Variants in DNAAF11 observed in about 807,000 individuals in gnomAD.
The protein encoded by DNAAF11 is leucine rich repeat containing 6.
Under a neutral mutation model 60.8 loss-of-function variants are expected in DNAAF11, and 45 were observed. That is an observed-to-expected ratio of 0.74 (90% CI 0.58 to 0.95). DNAAF11 has a LOEUF of 0.95. DNAAF11 is among the 40% of genes least tolerant of loss of function. The pLI is 0.00. For missense variants in DNAAF11, 546 were observed against 546.2 expected (o/e 1.00, Z 0.00); for synonymous variants, 191 against 183.5 (o/e 1.04, Z -0.33).
intron 9 of DNAAF11, among the ~76,000 whole-genome samples, 179 bp from the exon 10 acceptor site, chr8:132,610,440 TA>T (rs1818551423): frequency 6.6e-6 from 1 of 152,192 alleles, no homozygotes; most frequent in African/African-American, 2.4e-5. Context: ...TTACCTATTT[TA>T]ACAAGTAGTC....
At chr8:132,676,136 A>T (rs1825751004), upstream of DNAAF11, among the ~76,000 whole-genome samples, 1 of 152,184 alleles carries the variant, frequency 6.6e-6, no homozygotes, top group African/African-American at 2.4e-5. Flanking sequence ...GTTTCCGGCT[A>T]ACAAGCTTTC....
chr8:132,661,400 T>G lies in DNAAF11; in HGVS notation c.178+60A>C, dbSNP rs1274006930. 3.6e-6 allele frequency: 5 copies of G among 1,392,932 alleles called. No homozygotes were observed. In the East Asian group the frequency reaches 1.1e-4, roughly 32 times the overall value. The allele number at this position is 1,392,932 out of a possible 1,614,324, so 86.3% of individuals were successfully genotyped here. ...GTCTTCTAAAAATAACACAGCACTT[T>G]CCAAAGTTCTCTCATTCACAATGTT... On this transcript the variant is annotated intron_variant, in intron 2 of 11. Transcript: ENST00000620350.
chr8:132,604,346 G>A (rs1817931099), intron 10 of DNAAF11, among the ~76,000 whole-genome samples: 1 of 152,124 alleles, frequency 6.6e-6, no homozygotes, highest in Non-Finnish European at 1.5e-5. Context: ...ACCTTAATAT[G>A]TGATCTTCAC....
intron 10 of DNAAF11, among the ~76,000 whole-genome samples, chr8:132,591,603 G>A (rs1816472701): frequency 6.6e-6 from 1 of 151,608 alleles, no homozygotes; most frequent in South Asian, 2.1e-4. Context: ...AGTCTTTTGT[G>A]GTTTATTTTT....
At chr8:132,603,565 T>C (rs1259031087) in intron 10 of DNAAF11, among the ~76,000 whole-genome samples, 3 of 151,462 alleles carry the variant, frequency 2.0e-5, no homozygotes, top group Admixed American at 6.6e-5. Flanking sequence ...CTGGAGGTTA[T>C]TGGAGACATC....
intron 3 of DNAAF11, among the ~76,000 whole-genome samples, chr8:132,643,037 C>T (rs140066916): frequency 6.6e-6 from 1 of 152,312 alleles, no homozygotes; most frequent in Non-Finnish European, 1.5e-5. Flanking sequence ...CTACATCCCT[C>T]GCAAGATCAG....
intron 3 of DNAAF11, among the ~76,000 whole-genome samples, chr8:132,646,582 C>T (rs1276549522): frequency 1.3e-5 from 2 of 152,154 alleles, no homozygotes; most frequent in African/African-American, 4.8e-5. Context: ...GTGCTGTATT[C>T]AGGAGACCCA....
In DNAAF11 at chr8:132,572,181, A is replaced by C. The variant is rs1814257046; in HGVS notation, c.*125T>G. The C allele has an allele frequency of 1.3e-6, 1 of 745,080 alleles. No homozygotes were observed. The highest frequency in any genetic ancestry group is 2.2e-6 in the Non-Finnish European group (1 of 459,856). 46.2% of individuals were successfully genotyped at this position (745,080 alleles called of 1,614,324 possible). On this transcript the variant is annotated 3_prime_UTR_variant, in exon 12 of 12. Coordinates refer to ENST00000620350, the MANE Select transcript of DNAAF11 (RefSeq NM_012472.6). Reference sequence around the variant, plus strand: ...TATTACTATGCAAAGTAAGAGTTAAAACACTGGAGCAGCGATATTGACAAA... The same window carrying C: ...TATTACTATGCAAAGTAAGAGTTAACACACTGGAGCAGCGATATTGACAAA...
At chr8:132,590,241 C>A (rs1015004786) in intron 10 of DNAAF11, among the ~76,000 whole-genome samples, 4 of 152,192 alleles carry the variant, frequency 2.6e-5, no homozygotes, top group African/African-American at 9.7e-5. Context: ...ACCGTACGTG[C>A]TTTCACAACC....
chr8:132,657,691 G>C (rs999522377), intron 2 of DNAAF11, among the ~76,000 whole-genome samples: 6 of 152,140 alleles, frequency 3.9e-5, no homozygotes. Flanking sequence ...TGGGGCCTTT[G>C]AAAAATAGTT....
At chr8:132,646,709 A>C (rs1207826769) in intron 3 of DNAAF11, among the ~76,000 whole-genome samples, 2 of 152,242 alleles carry the variant, frequency 1.3e-5, no homozygotes, top group Non-Finnish European at 2.9e-5. Flanking sequence ...CTCTGATAAA[A>C]CAGACTTTAA....
At chr8:132,687,542 T>G in the DNAAF11 span, 1 of 452,774 alleles carries the variant, frequency 2.2e-6, no homozygotes, top group East Asian at 7.0e-5. Context: ...CTGTAACAGG[T>G]TCCGTCATCA....
the DNAAF11 span, among the ~76,000 whole-genome samples, chr8:132,698,249 G>T: frequency 2.2e-3 from 339 of 152,296 alleles, 2 homozygotes; most frequent in African/African-American, 7.8e-3. Context: ...ACCATGGAAA[G>T]CTCTTATCCT....
intron 10 of DNAAF11, among the ~76,000 whole-genome samples, chr8:132,586,230 G>C (rs1448892049): frequency 6.6e-6 from 1 of 152,150 alleles, no homozygotes; most frequent in East Asian, 1.9e-4. Context: ...ATGTGCAGCA[G>C]TGCTGTCCAG....
intron 10 of DNAAF11, among the ~76,000 whole-genome samples, chr8:132,585,367 T>C (rs904559688): frequency 2.6e-5 from 4 of 152,200 alleles, no homozygotes; most frequent in African/African-American, 9.7e-5. Flanking sequence ...CTGGAGACCA[T>C]GAACATAAGA....
upstream of DNAAF11, among the ~76,000 whole-genome samples, chr8:132,677,036 C>T (rs1825785262): frequency 2.0e-5 from 3 of 152,186 alleles, no homozygotes; most frequent in Admixed American, 2.0e-4. Context: ...AGACAGATGA[C>T]TTCACCTTTG....
chr8:132,681,859 T>A, the DNAAF11 span, among the ~76,000 whole-genome samples: 1 of 152,338 alleles, frequency 6.6e-6, no homozygotes, highest in South Asian at 2.1e-4. Context: ...TAGGATATCC[T>A]ACTCCACCGT....
upstream of DNAAF11, among the ~76,000 whole-genome samples, chr8:132,675,982 A>C (rs1173646887): frequency 1.3e-5 from 2 of 152,180 alleles, no homozygotes; most frequent in Non-Finnish European, 2.9e-5. Context: ...CATCTGTAAG[A>C]TGAGAAATAA....
chr8:132,579,323 T>C (rs1272028266), intron 11 of DNAAF11, among the ~76,000 whole-genome samples: 1 of 152,064 alleles, frequency 6.6e-6, no homozygotes, highest in African/African-American at 2.4e-5. Flanking sequence ...AGCAGATTTA[T>C]TACTTATAGA....
Sources: allele counts gnomAD v4.1 joint callset (sites outside exome capture counted in the v4.1 genomes callset), GRCh38; gene constraint gnomAD v4.1.1; transcripts MANE v1.5; gene names NCBI Gene and HGNC (gene_info 2026-07-23, HGNC 2026-07-21).